ABL2: variants seen among roughly 807,000 people sequenced by gnomAD.
The protein encoded by ABL2 is tyrosine-protein kinase ABL2.
A neutral mutation model predicts 107.7 loss-of-function variants in ABL2; 49 were observed. That is an observed-to-expected ratio of 0.45 (90% CI 0.36 to 0.58). The LOEUF is 0.58. Among genes scored for constraint, ABL2 ranks in the 20% least tolerant of loss-of-function variants. ABL2 has a pLI of 0.00. For synonymous variants in ABL2, 549 were observed against 548.6 expected (o/e 1.00, Z -0.01); for missense variants, 1,245 against 1,457.0 (o/e 0.85, Z 2.37).
chr1:179,117,894 G>A (rs1043253950), intron 7 of ABL2, among the ~76,000 whole-genome samples: 4 of 150,056 alleles, frequency 2.7e-5, no homozygotes, highest in Non-Finnish European at 3.0e-5. Context: ...CAAGGTGGGT[G>A]TATCTCCTGA....
At chr1:179,197,976 G>C (rs773250944) in intron 1 of ABL2, among the ~76,000 whole-genome samples, 4 of 151,692 alleles carry the variant, frequency 2.6e-5, no homozygotes, top group Non-Finnish European at 5.9e-5. Flanking sequence ...GAATTCAAGA[G>C]AAGCCTGGGA....
rs1656306203 is a variant in ABL2 at position 179,131,344 on chromosome 1, C to T, written c.358G>A (p.Ala120Thr). Residue 120 changes from alanine to threonine, a missense_variant, in exon 3 of 12, where the codon GCA becomes ACA. Physicochemically the swap from Ala to Thr is moderately conservative, Grantham distance 58. Around this residue, in one of 3 missense-constraint regions of ABL2, gnomAD observed 320 missense variants for 547.0 expected, o/e 0.59. Transcript: ENST00000502732. ...ATGCTGAGTGTGTTATCACCACTTGCTACAAAATCATAAAGTGCAACGAAG... is the reference window on the plus strand; with the variant it reads ...ATGCTGAGTGTGTTATCACCACTTGTTACAAAATCATAAAGTGCAACGAAG... ...NLFVALYDFV[A>T]SGDNTLSITK... is the part of the protein sequence containing the mutation. 1.9e-6 allele frequency: 3 copies of T among 1,614,092 alleles called. No individual in the cohort carries two copies. The highest frequency in any genetic ancestry group is 1.7e-6 in the Non-Finnish European group (2 of 1,179,978).
intron 1 of ABL2, among the ~76,000 whole-genome samples, chr1:179,159,787 T>G (rs1410218801): frequency 6.6e-6 from 1 of 152,234 alleles, no homozygotes; most frequent in African/African-American, 2.4e-5. Flanking sequence ...ACTTGTATAA[T>G]GCTTATATAT....
At chr1:179,135,813 CGGGA>C (rs527776187) in intron 1 of ABL2, among the ~76,000 whole-genome samples, 2 of 145,342 alleles carry the variant, frequency 1.4e-5, no homozygotes, top group East Asian at 2.1e-4. Context: ...CCGCCCCGTC[CGGGA>C]GGGAGGGAGG....
At chr1:179,173,358 AT>A (rs554479137) in intron 1 of ABL2, among the ~76,000 whole-genome samples, 5,434 of 106,110 alleles carry the variant, frequency 0.051, 118 homozygotes, top group African/African-American at 0.12. Flanking sequence ...AAAGGCTGTA[AT>A]TTTTTTTTTT....
chr1:179,121,123 A>G (rs1222053913), intron 5 of ABL2, among the ~76,000 whole-genome samples: 1 of 152,162 alleles, frequency 6.6e-6, no homozygotes, highest in East Asian at 1.9e-4. Context: ...TGATACTGGG[A>G]TGTTTAAAGG....
intron 1 of ABL2, among the ~76,000 whole-genome samples, chr1:179,180,677 A>T (rs892930412): frequency 1.3e-5 from 2 of 152,224 alleles, no homozygotes; most frequent in African/African-American, 4.8e-5. Flanking sequence ...CAACAAAATA[A>T]TAGAGGATAT....
At chr1:179,132,765 C>T (rs1202317962) in intron 2 of ABL2, among the ~76,000 whole-genome samples, 2 of 152,080 alleles carry the variant, frequency 1.3e-5, no homozygotes, top group African/African-American at 4.8e-5. Context: ...TGGTCTTGAA[C>T]TCCTGACCTC....
Position 179,107,746 on chromosome 1 carries a change from T to G in ABL2, c.3521A>C (p.Gln1174Pro). ...PVLNNLLSCV[Q>P]EISDVVQR ...CCTCTGCACCACATCACTGATTTCC[T>G]GTACACATGACAATAAGTTATTAAG... The change falls in exon 12 of 12, where the codon CAG (glutamine) becomes CCG (proline). Residue 1174 changes from glutamine (Q) to proline (P), a missense_variant. Coordinates refer to ENST00000502732, the MANE Select transcript of ABL2 (RefSeq NM_007314.4). 2 of 1,613,316 alleles carry G rather than the reference T, an allele frequency of 1.2e-6. No individual in the cohort carries two copies. The highest frequency in any genetic ancestry group is 1.7e-6 in the Non-Finnish European group (2 of 1,179,428).
intron 10 of ABL2, among the ~76,000 whole-genome samples, chr1:179,112,063 A>T (rs1654133091): frequency 6.6e-6 from 1 of 152,110 alleles, no homozygotes; most frequent in Admixed American, 6.5e-5. Context: ...AAAAGTATAT[A>T]TATGAATATC....
At chr1:179,200,039 C>CTTTT (rs55873652) in intron 1 of ABL2, among the ~76,000 whole-genome samples, 1 of 84,104 alleles carries the variant, frequency 1.2e-5, no homozygotes. Flanking sequence ...CCCCCAATGC[C>CTTTT]TTTTTTTTTT....
chr1:179,165,331 T>G (rs1229374045), intron 1 of ABL2, among the ~76,000 whole-genome samples: 1 of 152,180 alleles, frequency 6.6e-6, no homozygotes, highest in African/African-American at 2.4e-5. Flanking sequence ...CAAGTCATTT[T>G]TATATCAACC....
At chr1:179,197,762 G>A (rs918714210) in intron 1 of ABL2, among the ~76,000 whole-genome samples, 2 of 151,696 alleles carry the variant, frequency 1.3e-5, no homozygotes, top group African/African-American at 2.4e-5. Context: ...CCAGCTAATC[G>A]GGAGGCTAAG....
At position 179,101,095 on chromosome 1, in the gene ABL2, C is replaced by T; in HGVS notation, c.*6623G>A. 1 of 231,386 alleles carries T rather than the reference C, an allele frequency of 4.3e-6. No individual in the cohort carries two copies. Among genetic ancestry groups the T allele is most frequent in the East Asian group, 6.1e-5 (1 of 16,356 alleles). The allele number at this position is 231,386 out of a possible 1,614,324, so 14.3% of individuals were successfully genotyped here. On this transcript the variant is annotated 3_prime_UTR_variant, in exon 12 of 12. Coordinates refer to ENST00000502732, the MANE Select transcript of ABL2 (RefSeq NM_007314.4). ...GATCTGGCCACTGCCATCTGAGAAG[C>T]TCGTGTCTACCAGCTCTAGTTCAAT...
At chr1:179,217,321 A>C (rs1156575515) in intron 1 of ABL2, among the ~76,000 whole-genome samples, 1 of 148,722 alleles carries the variant, frequency 6.7e-6, no homozygotes, top group Admixed American at 6.7e-5. Context: ...CTCAAAAAAA[A>C]AGAGCCGCTC....
rs1459203785 is a variant in ABL2 at position 179,133,452 on chromosome 1, T to A, written c.158-78A>T. The A allele has an allele frequency of 3.7e-6, 6 of 1,611,180 alleles. No homozygotes were observed. In the Admixed American group the frequency reaches 6.7e-5, roughly 18 times the overall value. Reference sequence around the variant, plus strand: ...TTAACATCAAGCTAAAGTCTCCTTTTCATGGCATTCAAAGGCCTTTCATGA... The same window carrying A: ...TTAACATCAAGCTAAAGTCTCCTTTACATGGCATTCAAAGGCCTTTCATGA... On this transcript the variant is annotated intron_variant, in intron 1 of 11. Transcript: ENST00000502732.
At position 179,105,164 on chromosome 1, in the gene ABL2, C is replaced by G; in HGVS notation, c.*2554G>C. 1 of 230,406 alleles carries G rather than the reference C, an allele frequency of 4.3e-6. No homozygotes were observed. Among genetic ancestry groups the G allele is most frequent in the East Asian group, 6.2e-5 (1 of 16,236 alleles). The allele number at this position is 230,406 out of a possible 1,614,324, so 14.3% of individuals were successfully genotyped here. On this transcript the variant is annotated 3_prime_UTR_variant, in exon 12 of 12. Transcript: ENST00000502732. ...CGTGCACCCACTGTAGGCAAGACAG[C>G]TAGGTGCTGCCCCTGAGTAAGACAC... is the stretch of plus-strand genomic sequence containing the variant.
intron 1 of ABL2, among the ~76,000 whole-genome samples, chr1:179,173,210 C>T (rs1268998158): frequency 1.3e-5 from 2 of 149,682 alleles, no homozygotes; most frequent in African/African-American, 2.5e-5. Context: ...AAAACAACAA[C>T]AGAAAAAAAA....
intron 8 of ABL2, chr1:179,116,927 G>A: frequency 4.0e-6 from 1 of 248,246 alleles, no homozygotes; most frequent in Non-Finnish European, 7.9e-6. Context: ...CTGCCCTCCA[G>A]GCTCAAGCAA....
Sources: allele counts gnomAD v4.1 joint callset (sites outside exome capture counted in the v4.1 genomes callset), GRCh38; gene constraint gnomAD v4.1.1; regional missense constraint gnomAD v4.1.1; transcripts MANE v1.5; gene names NCBI Gene and HGNC (gene_info 2026-07-23, HGNC 2026-07-21).